DIP2C: variants seen among roughly 807,000 people sequenced by gnomAD.
The protein encoded by DIP2C is disco-interacting protein 2 homolog C.
A neutral mutation model predicts 192.4 loss-of-function variants in DIP2C; 33 were observed. The observed-to-expected ratio is 0.17, with a 90% CI of 0.13 to 0.23. DIP2C has a LOEUF of 0.23. Ranked by LOEUF, DIP2C falls within the 10% of genes least tolerant of loss-of-function variation. The pLI is 1.00. For missense variants in DIP2C, 1,537 were observed against 2,110.1 expected (o/e 0.73, Z 5.32); for synonymous variants, 979 against 864.1 (o/e 1.13, Z -2.33).
At chr10:399,713 C>T (rs975949675) in intron 9 of DIP2C, among the ~76,000 whole-genome samples, 4 of 152,286 alleles carry the variant, frequency 2.6e-5, no homozygotes, top group East Asian at 1.9e-4. Context: ...TGTCTTAATG[C>T]GGTGGTCAAG....
chr10:336,904 G>C (rs906489134), intron 29 of DIP2C, among the ~76,000 whole-genome samples: 18 of 107,462 alleles, frequency 1.7e-4, no homozygotes, highest in Non-Finnish European at 3.8e-4. Context: ...AGGTGTGTGT[G>C]TGTGTGTGTG....
chr10:378,486 T>C (rs1272810583), intron 17 of DIP2C, among the ~76,000 whole-genome samples: 2 of 152,026 alleles, frequency 1.3e-5, no homozygotes, highest in Non-Finnish European at 2.9e-5. Context: ...CATGCATACA[T>C]GTGAACACAG....
intron 1 of DIP2C, among the ~76,000 whole-genome samples, chr10:606,885 G>C (rs922315315): frequency 1.3e-5 from 2 of 152,184 alleles, no homozygotes; most frequent in Admixed American, 1.3e-4. Flanking sequence ...TGAAGCTGGA[G>C]GCCTGTCATG....
At chr10:642,478 C>G (rs189909232) in intron 1 of DIP2C, among the ~76,000 whole-genome samples, 8 of 152,374 alleles carry the variant, frequency 5.3e-5, no homozygotes, top group African/African-American at 1.9e-4. Context: ...ACCAGGCCAC[C>G]AGGTGTCTAT....
chr10:289,469 T>C (rs746525704), intron 32 of DIP2C, among the ~76,000 whole-genome samples: 12 of 152,178 alleles, frequency 7.9e-5, no homozygotes, highest in Non-Finnish European at 1.8e-4. Context: ...GATCTCACTA[T>C]GTTGCTTAGG....
intron 24 of DIP2C, among the ~76,000 whole-genome samples, chr10:354,404 T>C (rs763518726): frequency 2.0e-5 from 3 of 152,166 alleles, no homozygotes; most frequent in African/African-American, 7.2e-5. Context: ...CCCAGGACCA[T>C]GGCACCACCC....
chr10:500,045 T>C (rs1167584757), intron 1 of DIP2C, among the ~76,000 whole-genome samples: 1 of 152,174 alleles, frequency 6.6e-6, no homozygotes, highest in African/African-American at 2.4e-5. Context: ...GAGAGCAAGT[T>C]CAGACCCAGG....
At chr10:348,233 G>A (rs1272339878) in intron 26 of DIP2C, among the ~76,000 whole-genome samples, 5 of 152,230 alleles carry the variant, frequency 3.3e-5, no homozygotes, top group Admixed American at 1.3e-4. Flanking sequence ...TCCAGCTGTA[G>A]ACGAAGGAAA....
In DIP2C at chr10:667,452, C is replaced by T. The variant is rs61833029; in HGVS notation, c.85+22042G>A. On this transcript the variant is annotated intron_variant, in intron 1 of 36. Transcript: ENST00000280886. ...TGAGGAGCAGTCACGTGGATGCCCC[C>T]GCCTCTCACAACGCACACACTGACA... The T allele has an allele frequency of 6.2e-3, 940 of 152,396 alleles. 3 individuals carry two copies. The highest frequency in any genetic ancestry group is 0.018 in the East Asian group (92 of 5,180). The allele number at this position is 152,396 out of a possible 1,614,324, so 9.4% of individuals were successfully genotyped here.
intron 18 of DIP2C, among the ~76,000 whole-genome samples, chr10:367,297 G>A (rs1216823790): frequency 6.6e-6 from 1 of 151,862 alleles, no homozygotes; most frequent in East Asian, 1.9e-4. Context: ...GGCGCCTGTA[G>A]TCCCAGCTCC....
chr10:513,626 G>GAAAGTC (rs1554887562), intron 1 of DIP2C, among the ~76,000 whole-genome samples: 1 of 151,278 alleles, frequency 6.6e-6, no homozygotes, highest in Non-Finnish European at 1.5e-5. Flanking sequence ...CACCTTACCT[G>GAAAGTC]AAAGTCACTA....
chr10:660,392 T>C lies in DIP2C; in HGVS notation c.85+29102A>G, dbSNP rs551699222. Among the ~76,000 whole-genome samples, 160 of 151,942 alleles carry C rather than the reference T, an allele frequency of 1.1e-3. 1 individual carries two copies. Among genetic ancestry groups the C allele is most frequent in the African/African-American group, 3.6e-3 (148 of 41,426 alleles). ...AGTTCTGTGTATGAAACGGAGATTC[T>C]AGCCCTTGTCCCTGTTTCAAGCTCT... is the stretch of plus-strand genomic sequence containing the variant. On this transcript the variant is annotated intron_variant, in intron 1 of 36. Transcript: ENST00000280886.
At chr10:493,910 C>T (rs1054263616) in intron 1 of DIP2C, among the ~76,000 whole-genome samples, 15 of 152,356 alleles carry the variant, frequency 9.8e-5, no homozygotes, top group South Asian at 2.1e-4. Flanking sequence ...CGTGCAGAAC[C>T]GCCTGGCCCA....
intron 29 of DIP2C, among the ~76,000 whole-genome samples, chr10:333,947 T>A (rs1957622833): frequency 6.6e-6 from 1 of 152,222 alleles, no homozygotes; most frequent in African/African-American, 2.4e-5. Flanking sequence ...TATGTCTTCT[T>A]CTGGTGAGAT....
chr10:301,219 A>C (rs1382747064), intron 32 of DIP2C, among the ~76,000 whole-genome samples: 1 of 152,122 alleles, frequency 6.6e-6, no homozygotes, highest in East Asian at 1.9e-4. Context: ...GTCAGGAGAG[A>C]GGGCCGTGGG....
chr10:406,760 C>G (rs190806576), intron 9 of DIP2C, among the ~76,000 whole-genome samples: 9 of 152,240 alleles, frequency 5.9e-5, no homozygotes, highest in African/African-American at 2.2e-4. Context: ...GGTCATGCAG[C>G]CTCTGGCTCC....
intron 1 of DIP2C, among the ~76,000 whole-genome samples, chr10:679,845 C>T (rs1276880242): frequency 6.6e-6 from 1 of 152,204 alleles, no homozygotes; most frequent in African/African-American, 2.4e-5. Context: ...CCTCTGTACG[C>T]CCTTCTTGAT....
At chr10:338,517 G>T (rs979347569) in intron 29 of DIP2C, among the ~76,000 whole-genome samples, 2 of 151,248 alleles carry the variant, frequency 1.3e-5, no homozygotes, top group Non-Finnish European at 2.9e-5. Context: ...TTACCATCAC[G>T]TTACCGCTGC....
At chr10:550,934 G>A (rs1022651527) in intron 1 of DIP2C, among the ~76,000 whole-genome samples, 45 of 152,216 alleles carry the variant, frequency 3.0e-4, no homozygotes, top group African/African-American at 9.6e-4. Flanking sequence ...CCCGGGCCTC[G>A]GTCTCCCCTC....
Sources: gnomAD v4.1 joint callset for allele counts (sites outside exome capture counted in the v4.1 genomes callset) on GRCh38, gnomAD v4.1.1 for gene constraint, MANE v1.5 for transcripts, NCBI Gene and HGNC (gene_info 2026-07-23, HGNC 2026-07-21) for gene names.